Variants in SRGAP2 observed in about 807,000 individuals in gnomAD.
SRGAP2 encodes SLIT-ROBO Rho GTPase-activating protein 2.
In SRGAP2, 15 loss-of-function variants were observed where a neutral mutation model predicts 57.2. The ratio of observed to expected loss-of-function variants is 0.26; its 90% CI spans 0.18 to 0.40. SRGAP2 has a LOEUF of 0.40. Among genes scored for constraint, SRGAP2 ranks in the 10% least tolerant of loss-of-function variants. The pLI is 1.00. For missense variants in SRGAP2, 520 were observed against 669.6 expected, an observed-to-expected ratio of 0.78 and a Z score of 2.47; for synonymous variants, 249 against 248.0, an observed-to-expected ratio of 1.00 and a Z score of -0.04.
intron 11 of SRGAP2, among the ~76,000 whole-genome samples, chr1:206,416,841 A>G (rs1659753809): frequency 6.6e-6 from 1 of 152,092 alleles, no homozygotes; most frequent in East Asian, 1.9e-4. Flanking sequence ...GCTGCAGGGA[A>G]TATGTGCTAA....
chr1:206,439,882 C>T, intron 16 of SRGAP2, 94 bp from the exon 17 acceptor site: 2 of 702,624 alleles, frequency 2.8e-6, no homozygotes, highest in Non-Finnish European at 5.3e-6. Flanking sequence ...CTGATGCTGT[C>T]CGTGTTGCCC....
In SRGAP2 at chr1:206,439,992, G is replaced by A. The variant is rs1379951435; in HGVS notation, c.1785G>A (p.Gln595=). 1.3e-6 allele frequency: 1 copy of A among 780,848 alleles called. No individual in the cohort carries two copies. Among genetic ancestry groups the A allele is most frequent in the Non-Finnish European group, 2.4e-6 (1 of 417,958 alleles). 48.4% of individuals were successfully genotyped at this position (780,848 alleles called of 1,614,324 possible). A position where few individuals can be genotyped will look rare whatever the true frequency, so the allele number is the denominator to read the frequency against. The change falls in exon 17 of 23, where the codon CAG becomes CAA. Residue 595 remains glutamine, a synonymous_variant. Transcript: ENST00000573034. ...TCTTTTCAGCAATGGACAACCTGCAGGAGAGAGCTCTGCACATCCGGAAAG... is the reference window on the plus strand; with the variant it reads ...TCTTTTCAGCAATGGACAACCTGCAAGAGAGAGCTCTGCACATCCGGAAAG... ...LMACVTMDNL[Q]ERALHIRKVL... is the part of the protein sequence containing the mutation.
intron 4 of SRGAP2, among the ~76,000 whole-genome samples, chr1:206,356,166 T>TA (rs1180105446): frequency 2.3e-5 from 3 of 132,034 alleles, no homozygotes; most frequent in African/African-American, 8.8e-5. Flanking sequence ...ATAATTTTTT[T>TA]AAAAAAAGCA....
chr1:206,432,722 C>T (rs191288693), intron 14 of SRGAP2, among the ~76,000 whole-genome samples: 22 of 152,298 alleles, frequency 1.4e-4, no homozygotes, highest in African/African-American at 2.9e-4. Context: ...AATGGGGTTA[C>T]GTACGCATAA....
At chr1:206,348,606 G>C (rs2102944967) in intron 4 of SRGAP2, among the ~76,000 whole-genome samples, 1 of 139,818 alleles carries the variant, frequency 7.2e-6, no homozygotes, top group Admixed American at 6.9e-5. Context: ...ACTGTTTCTA[G>C]CCCTTCACAG....
chr1:206,420,368 T>C (rs527338783), intron 12 of SRGAP2, among the ~76,000 whole-genome samples: 41 of 152,316 alleles, frequency 2.7e-4, no homozygotes, highest in Non-Finnish European at 5.4e-4. Flanking sequence ...TGTTAGAGTC[T>C]TACTGTAAGT....
intron 4 of SRGAP2, among the ~76,000 whole-genome samples, chr1:206,355,811 A>G (rs530393035): frequency 1.6e-4 from 24 of 152,240 alleles, no homozygotes; most frequent in African/African-American, 5.1e-4. Context: ...TACTAAAAAT[A>G]CAGAAATTAG....
chr1:206,229,382 C>T (rs1361991773), intron 2 of SRGAP2, among the ~76,000 whole-genome samples: 3 of 150,878 alleles, frequency 2.0e-5, no homozygotes, highest in Non-Finnish European at 2.9e-5. Flanking sequence ...ACTCTGAGTA[C>T]TTAAATCATT....
At chr1:206,291,247 G>A (rs1671302034) in intron 2 of SRGAP2, among the ~76,000 whole-genome samples, 1 of 151,966 alleles carries the variant, frequency 6.6e-6, no homozygotes, top group Non-Finnish European at 1.5e-5. Flanking sequence ...TTCAAATCCT[G>A]TTGTGATCTG....
At chr1:206,368,080 G>A (rs1654200115) in intron 4 of SRGAP2, among the ~76,000 whole-genome samples, 1 of 150,098 alleles carries the variant, frequency 6.7e-6, no homozygotes, top group Non-Finnish European at 1.5e-5. Flanking sequence ...AGAATTTGAG[G>A]TGGCTGGTGA....
intron 2 of SRGAP2, among the ~76,000 whole-genome samples, chr1:206,260,162 A>G (rs1669463010): frequency 9.9e-6 from 1 of 101,192 alleles, no homozygotes; most frequent in Admixed American, 1.1e-4. Context: ...TAATATTCAA[A>G]TTTTAGGGTC....
At chr1:206,255,209 G>A (rs1309095096) in intron 2 of SRGAP2, among the ~76,000 whole-genome samples, 1 of 147,210 alleles carries the variant, frequency 6.8e-6, no homozygotes, top group Non-Finnish European at 1.5e-5. Flanking sequence ...ACCCAGTTCA[G>A]GAGTTCCTCT....
chr1:206,301,124 C>T (rs1240884556), intron 2 of SRGAP2, among the ~76,000 whole-genome samples: 2,910 of 152,254 alleles, frequency 0.019, 88 homozygotes, highest in African/African-American at 0.065. Flanking sequence ...CTCCGCCTCC[C>T]GGGTTCACGC....
intron 2 of SRGAP2, among the ~76,000 whole-genome samples, chr1:206,269,214 A>G (rs1393535840): frequency 1.4e-5 from 2 of 145,384 alleles, no homozygotes; most frequent in African/African-American, 5.4e-5. Context: ...GAGGCATGAA[A>G]CAAGAGTGCA....
At chr1:206,325,645 T>C (rs1250311106) in intron 3 of SRGAP2, among the ~76,000 whole-genome samples, 1 of 151,172 alleles carries the variant, frequency 6.6e-6, no homozygotes, top group Non-Finnish European at 1.5e-5. Flanking sequence ...GCATCCAGGC[T>C]ACTTTTTTCT....
intron 2 of SRGAP2, among the ~76,000 whole-genome samples, chr1:206,267,189 C>G (rs1453139585): frequency 6.6e-6 from 1 of 151,938 alleles, no homozygotes; most frequent in African/African-American, 2.4e-5. Flanking sequence ...AGGATGGTCT[C>G]GATCTCCTGA....
chr1:206,277,822 T>A (rs1571744315), intron 2 of SRGAP2, among the ~76,000 whole-genome samples: 2 of 151,978 alleles, frequency 1.3e-5, no homozygotes, highest in South Asian at 2.1e-4. Context: ...AATAAAAAAA[T>A]TTAAAAAATT....
chr1:206,454,965 G>A lies in SRGAP2; in HGVS notation c.2448G>A (p.Ala816=), dbSNP rs782098816. The change falls in exon 21 of 23, where the codon GCG becomes GCA. Residue 816 remains alanine, a synonymous_variant. Transcript: ENST00000573034. This position sits in a 1 kb window ranked among gnomAD's most constrained non-coding sequence, Gnocchi z 4.3. ...CTGAAGAAAAGGTGACAGCCAGAGCGGGGGCCAGCTGTCCCAGTGGGGGTC... is the reference window on the plus strand; with the variant it reads ...CTGAAGAAAAGGTGACAGCCAGAGCAGGGGCCAGCTGTCCCAGTGGGGGTC... ...EPPEEKVTAR[A]GASCPSGGHV... is the part of the protein sequence containing the mutation. The A allele has an allele frequency of 1.5e-5, 12 of 780,768 alleles. No individual in the cohort carries two copies. Among genetic ancestry groups the A allele is most frequent in the East Asian group, 1.2e-4 (5 of 41,262 alleles). The allele number at this position is 780,768 out of a possible 1,614,324, so 48.4% of individuals were successfully genotyped here.
intron 13 of SRGAP2, among the ~76,000 whole-genome samples, chr1:206,425,680 G>A (rs903531305): frequency 6.0e-5 from 9 of 149,808 alleles, no homozygotes; most frequent in Non-Finnish European, 1.0e-4. Context: ...GATTACAGGC[G>A]CGCACCACAA....
Sources: gnomAD v4.1 joint callset for allele counts (sites outside exome capture counted in the v4.1 genomes callset) on GRCh38, gnomAD v4.1.1 for gene constraint, Gnocchi (gnomAD v3.1) non-coding constraint, MANE v1.5 for transcripts, NCBI Gene and HGNC (gene_info 2026-07-23, HGNC 2026-07-21) for gene names.